The following ZDHHC11 variants were observed in gnomAD, a reference collection of about 807,000 sequenced individuals.
ZDHHC11 encodes the protein palmitoyltransferase ZDHHC11.
In ZDHHC11, 44 loss-of-function variants were observed where a neutral mutation model predicts 51.3. The ratio of observed to expected loss-of-function variants is 0.86; its 90% CI spans 0.67 to 1.10. The LOEUF (loss-of-function observed/expected upper bound fraction) is 1.10, where lower values mean the gene tolerates loss of function less well. Among genes scored for constraint, ZDHHC11 ranks in the 50% least tolerant of loss-of-function variants. The probability of loss-of-function intolerance (pLI) is 0.00; values close to 1 mark genes in which losing one functional copy is unlikely to be tolerated. For missense variants in ZDHHC11, 400 were observed against 537.7 expected (o/e 0.74, Z 2.53); for synonymous variants, 163 against 222.0 (o/e 0.73, Z 2.36).
intron 6 of ZDHHC11, among the ~76,000 whole-genome samples, chr5:834,619 T>C (rs1353654572): frequency 1.3e-5 from 2 of 152,310 alleles, no homozygotes; most frequent in South Asian, 2.1e-4. Context: ...TGCCTGTGGC[T>C]TGCACAGGAA....
chr5:824,189 T>A lies in ZDHHC11; in HGVS notation c.1023+975A>T, dbSNP rs1244692551. 1.7e-5 allele frequency: 7 copies of A among 421,852 alleles called. 1 individual carries two copies. Among genetic ancestry groups the A allele is most frequent in the Non-Finnish European group, 2.4e-5 (5 of 209,556 alleles). 26.1% of individuals were successfully genotyped at this position (421,852 alleles called of 1,614,324 possible). ...AGGACCAGCCTGCGGCCTGGCGTGG[T>A]GGCTCACGCCTCTAATCCCTGTGCT... On this transcript the variant is annotated intron_variant, in intron 8 of 12. Coordinates refer to ENST00000283441, the MANE Select transcript of ZDHHC11 (RefSeq NM_024786.3).
At chr5:802,069 C>T (rs1227975867) in intron 11 of ZDHHC11, among the ~76,000 whole-genome samples, 3 of 151,330 alleles carry the variant, frequency 2.0e-5, no homozygotes, top group South Asian at 4.2e-4. Context: ...TGCTGCAGAA[C>T]CTGGAAGAGA....
At chr5:824,895 T>C (rs1240238328) in intron 8 of ZDHHC11, among the ~76,000 whole-genome samples, 4 of 151,536 alleles carry the variant, frequency 2.6e-5, no homozygotes, top group African/African-American at 4.8e-5. Flanking sequence ...CATCTGCCCA[T>C]CACCACAGCC....
At chr5:852,406 G>A (rs1429849350), upstream of ZDHHC11, among the ~76,000 whole-genome samples, 1 of 152,244 alleles carries the variant, frequency 6.6e-6, no homozygotes, top group African/African-American at 2.4e-5. Context: ...GAAGACTTCA[G>A]GTCGAAACTG....
chr5:808,984 TACACACACACACAC>T (rs56961185), intron 11 of ZDHHC11, among the ~76,000 whole-genome samples: 11 of 133,752 alleles, frequency 8.2e-5, no homozygotes, highest in Non-Finnish European at 1.5e-4. Context: ...GACCATCAGT[TACACACACACACAC>T]ACACACACAC....
At chr5:835,233 G>T (rs1283977547) in intron 6 of ZDHHC11, among the ~76,000 whole-genome samples, 1 of 151,142 alleles carries the variant, frequency 6.6e-6, no homozygotes, top group Non-Finnish European at 1.5e-5. Flanking sequence ...CTTTGTACAG[G>T]TATGAAGAAC....
At chr5:806,598 T>C (rs1313337961) in intron 11 of ZDHHC11, among the ~76,000 whole-genome samples, 2 of 151,212 alleles carry the variant, frequency 1.3e-5, no homozygotes, top group Non-Finnish European at 3.0e-5. Flanking sequence ...GGAGTTAAGC[T>C]GCACATGGAC....
At chr5:844,721 C>T (rs1202600205) in intron 3 of ZDHHC11, among the ~76,000 whole-genome samples, 13 of 152,296 alleles carry the variant, frequency 8.5e-5, no homozygotes, top group Non-Finnish European at 1.5e-4. Context: ...TGGAGGAGCC[C>T]GGCCACACCT....
At chr5:805,227 CAGG>C (rs1739079770) in intron 11 of ZDHHC11, among the ~76,000 whole-genome samples, 1 of 151,208 alleles carries the variant, frequency 6.6e-6, no homozygotes, top group Admixed American at 6.6e-5. Flanking sequence ...CGTGTGAGAC[CAGG>C]AGTTCAAGTC....
intron 3 of ZDHHC11, among the ~76,000 whole-genome samples, 166 bp downstream of exon 3, chr5:847,348 C>T (rs1261336644): frequency 2.0e-5 from 3 of 151,746 alleles, no homozygotes; most frequent in Non-Finnish European, 2.9e-5. Flanking sequence ...CAGAGCCAGA[C>T]AGGAGGCCGG....
chr5:845,171 C>G (rs1745929793), intron 3 of ZDHHC11, among the ~76,000 whole-genome samples: 1 of 152,304 alleles, frequency 6.6e-6, no homozygotes, highest in Admixed American at 6.5e-5. Flanking sequence ...ATGAGCGGCT[C>G]CCTGACTGCT....
At position 821,878 on chromosome 5, in the gene ZDHHC11, C is replaced by G. The variant is rs149938529; in HGVS notation, c.1041G>C (p.Pro347=). The G allele has an allele frequency of 6.2e-6, 10 of 1,605,982 alleles. No individual in the cohort carries two copies. The African/African-American group carries it at 1.1e-4, about 17-fold the overall frequency. The change falls in exon 9 of 13, where the codon CCG becomes CCC. Residue 347 remains proline, a synonymous_variant. Coordinates refer to ENST00000283441, the MANE Select transcript of ZDHHC11 (RefSeq NM_024786.3). ...AAACTCACCCAAGTGCAGATGGACA[C>G]GGGTCTTCATCCCCTTCCTGTGGGG... ...DSTAREGDED[P]CPSALGAKAR...
intron 5 of ZDHHC11, among the ~76,000 whole-genome samples, chr5:838,764 C>G (rs1357506092): frequency 6.6e-6 from 1 of 151,990 alleles, no homozygotes; most frequent in African/African-American, 2.4e-5. Flanking sequence ...CTCCCAGCCC[C>G]GCATGGCTTC....
At chr5:848,942 C>T (rs1307734177) in intron 1 of ZDHHC11, among the ~76,000 whole-genome samples, 3 of 151,734 alleles carry the variant, frequency 2.0e-5, no homozygotes, top group Non-Finnish European at 4.4e-5. Flanking sequence ...GCCAGCCCTG[C>T]ACACCCAGCC....
intron 1 of ZDHHC11, among the ~76,000 whole-genome samples, chr5:849,951 G>C (rs112737497): frequency 0.034 from 5,236 of 151,866 alleles, 125 homozygotes; most frequent in Non-Finnish European, 0.05. Flanking sequence ...GCAGCCCAGA[G>C]GCCCTCGCAG....
intron 5 of ZDHHC11, among the ~76,000 whole-genome samples, chr5:838,013 A>C (rs1746518647): frequency 6.6e-6 from 1 of 151,882 alleles, no homozygotes; most frequent in African/African-American, 2.4e-5. Context: ...GGCCACCCCG[A>C]GGTGCTGGCT....
At chr5:819,714 G>C in intron 9 of ZDHHC11, 102 bp from the exon 10 acceptor site, 6 of 1,226,708 alleles carry the variant, frequency 4.9e-6, no homozygotes, top group Non-Finnish European at 7.1e-6. Flanking sequence ...ACTGCAGTGG[G>C]GCCCATGTGT....
At chr5:859,534 G>A (rs1009457455), upstream of ZDHHC11, among the ~76,000 whole-genome samples, 1 of 152,194 alleles carries the variant, frequency 6.6e-6, no homozygotes, top group African/African-American at 2.4e-5. Flanking sequence ...AGCCTAGGAG[G>A]AACCGGGGGA....
chr5:798,018 G>C (rs1182671118), intron 12 of ZDHHC11, among the ~76,000 whole-genome samples: 1 of 150,140 alleles, frequency 6.7e-6, no homozygotes, highest in Non-Finnish European at 1.5e-5. Flanking sequence ...ATACTCGGCA[G>C]TGATTTTTCT....
Sources: allele counts gnomAD v4.1 joint callset (sites outside exome capture counted in the v4.1 genomes callset), GRCh38; gene constraint gnomAD v4.1.1; transcripts MANE v1.5; gene names NCBI Gene and HGNC (gene_info 2026-07-23, HGNC 2026-07-21).